Variants in WWOX observed in about 807,000 individuals in gnomAD.
The protein encoded by WWOX is WW domain-containing oxidoreductase.
A neutral mutation model predicts 46.2 loss-of-function variants in WWOX; 69 were observed. The observed-to-expected ratio is 1.49, with a 90% CI of 1.23 to 1.82. WWOX has a LOEUF of 1.82. WWOX is among the 40% of genes most tolerant of loss of function. The pLI, the probability that WWOX is intolerant of heterozygous loss-of-function variation, is 0.00. For missense variants in WWOX, 919 were observed against 542.6 expected, an observed-to-expected ratio of 1.69 and a Z score of -6.89; for synonymous variants, 359 against 202.6, an observed-to-expected ratio of 1.77 and a Z score of -6.56.
chr16:78,961,132 T>G (rs1243607322), intron 8 of WWOX, among the ~76,000 whole-genome samples: 1 of 152,156 alleles, frequency 6.6e-6, no homozygotes. Flanking sequence ...AAGCCAAGCA[T>G]TCAATGGTTA....
At position 78,386,878 on chromosome 16, in the gene WWOX, G is replaced by C. The variant is rs11545029; in HGVS notation, c.535G>C (p.Ala179Pro). 5 of 1,613,776 alleles carry C rather than the reference G, an allele frequency of 3.1e-6. No individual in the cohort carries two copies. The Admixed American group carries it at 5.0e-5, about 16-fold the overall frequency. The change falls in exon 6 of 9, where the codon GCA (alanine) becomes CCA (proline). Residue 179 changes from alanine to proline, a missense_variant. Transcript: ENST00000566780. ...ATTGCAGCATAAAGCCAAGGTAGAA[G>C]CAATGACCCTGGACCTCGCTCTGCT... is the stretch of plus-strand genomic sequence containing the variant. ...LEEWHKAKVEAMTLDLALLRS... is the reference protein window; with the variant it reads ...LEEWHKAKVEPMTLDLALLRS...
chr16:78,822,489 T>C (rs1418463803), intron 8 of WWOX, among the ~76,000 whole-genome samples: 1 of 152,046 alleles, frequency 6.6e-6, no homozygotes, highest in Admixed American at 6.5e-5. Flanking sequence ...GCCGAGACTC[T>C]GTCTCAAAGA....
intron 5 of WWOX, among the ~76,000 whole-genome samples, chr16:78,228,073 G>T (rs1230514340): frequency 6.6e-6 from 1 of 151,906 alleles, no homozygotes; most frequent in Non-Finnish European, 1.5e-5. Context: ...AGGGCTATGG[G>T]GAGAGGAAGC....
chr16:79,034,092 C>T (rs995088906), intron 8 of WWOX, among the ~76,000 whole-genome samples: 1 of 152,126 alleles, frequency 6.6e-6, no homozygotes. Flanking sequence ...TGGTAATGGG[C>T]CAGGGAACTG....
intron 8 of WWOX, among the ~76,000 whole-genome samples, chr16:78,940,149 C>T (rs1463731263): frequency 2.0e-5 from 3 of 152,108 alleles, no homozygotes; most frequent in Non-Finnish European, 4.4e-5. Context: ...ATTTTTTCTA[C>T]TTTAGGCAAA....
At chr16:78,772,708 A>G (rs1278904846) in intron 8 of WWOX, among the ~76,000 whole-genome samples, 1 of 152,148 alleles carries the variant, frequency 6.6e-6, no homozygotes, top group Non-Finnish European at 1.5e-5. Context: ...ACAGGAGGGG[A>G]ACAGAGGCTC....
chr16:78,957,091 C>G (rs1190069444), intron 8 of WWOX, among the ~76,000 whole-genome samples: 1 of 152,122 alleles, frequency 6.6e-6, no homozygotes, highest in Non-Finnish European at 1.5e-5. Flanking sequence ...GTGATTTGCA[C>G]TGGGAAGATA....
At chr16:78,771,663 T>C (rs1236880646) in intron 8 of WWOX, among the ~76,000 whole-genome samples, 1 of 151,890 alleles carries the variant, frequency 6.6e-6, no homozygotes, top group African/African-American at 2.4e-5. Context: ...TCCCAGCTAT[T>C]TGGAAGGCTG....
At chr16:79,095,450 A>G (rs2049048735) in intron 8 of WWOX, among the ~76,000 whole-genome samples, 1 of 152,210 alleles carries the variant, frequency 6.6e-6, no homozygotes, top group Non-Finnish European at 1.5e-5. Context: ...AGAGCCAGGC[A>G]GCAGAAGAGG....
At chr16:78,971,692 T>A (rs1306211923) in intron 8 of WWOX, among the ~76,000 whole-genome samples, 1 of 151,792 alleles carries the variant, frequency 6.6e-6, no homozygotes, top group East Asian at 1.9e-4. Context: ...AAGCATTGAG[T>A]CATGTCTCTG....
intron 8 of WWOX, among the ~76,000 whole-genome samples, chr16:78,972,438 T>C (rs1157021806): frequency 7.0e-6 from 1 of 143,146 alleles, no homozygotes; most frequent in Non-Finnish European, 1.5e-5. Context: ...GCAGTAGAAA[T>C]AGTCACTGGA....
At chr16:78,907,389 G>A (rs2044993947) in intron 8 of WWOX, among the ~76,000 whole-genome samples, 1 of 152,188 alleles carries the variant, frequency 6.6e-6, no homozygotes, top group South Asian at 2.1e-4. Flanking sequence ...TGTAACCTCT[G>A]GAATAATGGC....
intron 8 of WWOX, among the ~76,000 whole-genome samples, chr16:78,589,212 G>A (rs969689189): frequency 2.0e-5 from 3 of 152,100 alleles, no homozygotes; most frequent in Admixed American, 6.5e-5. Context: ...TTCTTATTGC[G>A]GTAAGTGCTC....
chr16:78,555,168 TAAAAAAAAAAAA>T (rs10635594), intron 8 of WWOX, among the ~76,000 whole-genome samples: 2 of 128,428 alleles, frequency 1.6e-5, no homozygotes, highest in Non-Finnish European at 3.2e-5. Context: ...TATGATTTTG[TAAAAAAAAAAAA>T]AAAAAAAAAA....
intron 8 of WWOX, among the ~76,000 whole-genome samples, chr16:79,027,223 T>A (rs192642804): frequency 1.4e-5 from 2 of 138,470 alleles, no homozygotes; most frequent in Non-Finnish European, 3.0e-5. Context: ...GAGGCTGCAG[T>A]GGGCTGTGAT....
At chr16:78,712,789 C>A (rs868072182) in intron 8 of WWOX, among the ~76,000 whole-genome samples, 1 of 151,982 alleles carries the variant, frequency 6.6e-6, no homozygotes, top group Admixed American at 6.6e-5. Context: ...TAAAATAATG[C>A]GGAAAAAACT....
At chr16:79,171,349 T>A (rs545325027) in intron 8 of WWOX, among the ~76,000 whole-genome samples, 1 of 152,342 alleles carries the variant, frequency 6.6e-6, no homozygotes, top group East Asian at 1.9e-4. Context: ...GCACTATAGT[T>A]GTTATTTATT....
chr16:78,364,758 C>A (rs1000400857), intron 5 of WWOX, among the ~76,000 whole-genome samples: 1 of 152,198 alleles, frequency 6.6e-6, no homozygotes, highest in Non-Finnish European at 1.5e-5. Flanking sequence ...ATGTGCTACC[C>A]TGTGTATGTC....
intron 6 of WWOX, among the ~76,000 whole-genome samples, chr16:78,414,789 T>C (rs2082762642): frequency 6.6e-6 from 1 of 152,162 alleles, no homozygotes; most frequent in Admixed American, 6.5e-5. Flanking sequence ...GGGAAAGCTG[T>C]TATTTAAACT....
Sources: gnomAD v4.1 joint callset for allele counts (sites outside exome capture counted in the v4.1 genomes callset) on GRCh38, gnomAD v4.1.1 for gene constraint, MANE v1.5 for transcripts, NCBI Gene and HGNC (gene_info 2026-07-23, HGNC 2026-07-21) for gene names.